SLC35F2: variants seen among roughly 807,000 people sequenced by gnomAD.
SLC35F2 encodes the protein queuine/queuosine transporter SLC35F2.
In SLC35F2, 25 loss-of-function variants were observed where a neutral mutation model predicts 38.1. That is an observed-to-expected ratio of 0.66 (90% CI 0.48 to 0.92). The LOEUF is 0.92. Ranked by LOEUF, SLC35F2 falls within the 40% of genes least tolerant of loss-of-function variation. The probability of loss-of-function intolerance (pLI) is 0.00; values close to 1 mark genes in which losing one functional copy is unlikely to be tolerated. For synonymous variants in SLC35F2, 173 were observed against 181.7 expected, an observed-to-expected ratio of 0.95 and a Z score of 0.38; for missense variants, 409 against 452.9, an observed-to-expected ratio of 0.90 and a Z score of 0.88.
intron 1 of SLC35F2, among the ~76,000 whole-genome samples, chr11:107,838,443 G>C (rs545126974): frequency 1.3e-5 from 2 of 151,916 alleles, no homozygotes; most frequent in East Asian, 3.9e-4. Context: ...TCCTGACTCA[G>C]CCTCCCGAGT....
At chr11:107,846,391 G>C (rs1267561554) in intron 1 of SLC35F2, among the ~76,000 whole-genome samples, 1 of 152,112 alleles carries the variant, frequency 6.6e-6, no homozygotes, top group Non-Finnish European at 1.5e-5. Flanking sequence ...TTTATCAAAA[G>C]AGTAGTCTCA....
At chr11:107,810,117 G>C (rs1388948306) in intron 3 of SLC35F2, 1 of 985,308 alleles carries the variant, frequency 1.0e-6, no homozygotes, top group African/African-American at 1.7e-5. Flanking sequence ...TACTCAGTTG[G>C]AGAACCAGCT....
intron 1 of SLC35F2, among the ~76,000 whole-genome samples, chr11:107,834,337 T>A (rs988797682): frequency 6.6e-5 from 10 of 152,104 alleles, no homozygotes; most frequent in Non-Finnish European, 1.5e-4. Context: ...AAATAGAGGA[T>A]GCATCCAAAC....
intron 1 of SLC35F2, chr11:107,858,354 A>C: frequency 1.3e-5 from 3 of 225,158 alleles, no homozygotes; most frequent in Non-Finnish European, 2.6e-5. Context: ...TCGTCCCTCC[A>C]CCGCGGAACG....
chr11:107,794,155 A>T (rs1471892292), intron 7 of SLC35F2, among the ~76,000 whole-genome samples: 1 of 148,574 alleles, frequency 6.7e-6, no homozygotes, highest in African/African-American at 2.5e-5. Flanking sequence ...ATCTTGGCTC[A>T]CTGCAACCTC....
At chr11:107,815,099 G>A (rs1859546345) in intron 2 of SLC35F2, among the ~76,000 whole-genome samples, 1 of 151,750 alleles carries the variant, frequency 6.6e-6, no homozygotes, top group African/African-American at 2.4e-5. Flanking sequence ...AGAGAGACCT[G>A]AGCTACACGT....
intron 1 of SLC35F2, among the ~76,000 whole-genome samples, chr11:107,823,628 T>C (rs906160018): frequency 6.6e-6 from 1 of 152,100 alleles, no homozygotes; most frequent in African/African-American, 2.4e-5. Flanking sequence ...TGTTTAGAAA[T>C]AAATTATAAG....
intron 3 of SLC35F2, chr11:107,810,752 A>T: frequency 4.1e-6 from 4 of 979,442 alleles, no homozygotes; most frequent in Non-Finnish European, 3.6e-6. Flanking sequence ...TGGTAGTAAC[A>T]TTTAATGTAG....
intron 1 of SLC35F2, among the ~76,000 whole-genome samples, chr11:107,829,614 A>G (rs943167326): frequency 4.0e-5 from 6 of 151,508 alleles, no homozygotes; most frequent in African/African-American, 1.5e-4. Context: ...GCATATTTTT[A>G]TAGCAACAAA....
intron 1 of SLC35F2, chr11:107,816,248 A>C: frequency 1.0e-6 from 1 of 983,206 alleles, no homozygotes; most frequent in South Asian, 4.7e-5. Context: ...GCTATAACAT[A>C]TACTTTGTAA....
In SLC35F2 at chr11:107,791,002, G is replaced by A. The variant is rs964063920; in HGVS notation, c.*1613C>T. 1 of 152,540 alleles carries A rather than the reference G, an allele frequency of 6.6e-6. No homozygotes were observed. The highest frequency in any genetic ancestry group is 1.5e-5 in the Non-Finnish European group (1 of 68,038). 9.4% of individuals were successfully genotyped at this position (152,540 alleles called of 1,614,324 possible). On this transcript the variant is annotated 3_prime_UTR_variant, in exon 8 of 8. Transcript: ENST00000525815. ...AACCACACAGTTGATGTATTTCCAT[G>A]AATTCAAAGCCTTTTAATGATGTGA... is the stretch of plus-strand genomic sequence containing the variant.
At chr11:107,846,298 G>A (rs1047677871) in intron 1 of SLC35F2, among the ~76,000 whole-genome samples, 1 of 151,938 alleles carries the variant, frequency 6.6e-6, no homozygotes, top group Non-Finnish European at 1.5e-5. Flanking sequence ...GCCCATGAAC[G>A]TATTGTTGCC....
chr11:107,809,237 AC>A (rs1454516818), intron 3 of SLC35F2, among the ~76,000 whole-genome samples: 4 of 150,976 alleles, frequency 2.6e-5, no homozygotes, highest in Non-Finnish European at 5.9e-5. Context: ...TAATCCCAGC[AC>A]TATGAGAGGC....
intron 1 of SLC35F2, among the ~76,000 whole-genome samples, chr11:107,830,224 T>A (rs1653293971): frequency 6.6e-6 from 1 of 152,200 alleles, no homozygotes; most frequent in Non-Finnish European, 1.5e-5. Flanking sequence ...ATTTGACAAC[T>A]AAATCTTTGC....
chr11:107,811,538 A>G, intron 3 of SLC35F2, 129 bp downstream of exon 3: 2 of 850,934 alleles, frequency 2.4e-6, no homozygotes, highest in South Asian at 4.1e-5. Flanking sequence ...CTACTAGAAA[A>G]CAGCATCCAC....
chr11:107,853,440 C>G (rs528996070), intron 1 of SLC35F2, among the ~76,000 whole-genome samples: 1 of 152,020 alleles, frequency 6.6e-6, no homozygotes, highest in Non-Finnish European at 1.5e-5. Context: ...TCAATGAGGC[C>G]GGGCGCGGTG....
intron 1 of SLC35F2, among the ~76,000 whole-genome samples, chr11:107,844,669 T>TAAAG (rs1555086873): frequency 2.4e-5 from 3 of 122,866 alleles, no homozygotes; most frequent in South Asian, 5.6e-4. Flanking sequence ...AATAAATAAA[T>TAAAG]AAAGTTATTG....
chr11:107,792,910 TTTC>T, intron 7 of SLC35F2, 110 bp from the exon 8 acceptor site: 2 of 332,488 alleles, frequency 6.0e-6, no homozygotes, highest in Non-Finnish European at 7.9e-6. Flanking sequence ...TTTTATTTTC[TTTC>T]TTTCTTTCTT....
In SLC35F2 at chr11:107,819,005, A is replaced by G. The variant is rs534276890; in HGVS notation, c.111-3040T>C. Among the ~76,000 whole-genome samples, 22 of 152,260 alleles carry G rather than the reference A, an allele frequency of 1.4e-4. 1 individual carries two copies. The East Asian group carries it at 4.2e-3, about 29-fold the overall frequency. ...TAAAAAAGTGGGGGGGTGGTTATAG[A>G]TATGCTGAGATTTAATCTCCTCAGT... On this transcript the variant is annotated intron_variant, in intron 1 of 7. Transcript: ENST00000525815.
Sources: gnomAD v4.1 joint callset for allele counts (sites outside exome capture counted in the v4.1 genomes callset) on GRCh38, gnomAD v4.1.1 for gene constraint, MANE v1.5 for transcripts, NCBI Gene and HGNC (gene_info 2026-07-23, HGNC 2026-07-21) for gene names.